The following TXNL4A variants were observed in gnomAD, a reference collection of about 807,000 sequenced individuals.
TXNL4A encodes thioredoxin-like protein 4A.
A neutral mutation model predicts 14.6 loss-of-function variants in TXNL4A; 17 were observed. That is an observed-to-expected ratio of 1.16 (90% CI 0.80 to 1.74). The LOEUF is 1.74. Among genes scored for constraint, TXNL4A ranks in the 40% most tolerant of loss-of-function variants. TXNL4A has a pLI of 0.00. For synonymous variants in TXNL4A, 83 were observed against 70.6 expected (o/e 1.18, Z -0.88); for missense variants, 74 against 195.2 (o/e 0.38, Z 3.70).
At chr18:79,979,359 C>T (rs566942008) in intron 1 of TXNL4A, 1 of 152,242 alleles carries the variant, frequency 6.6e-6, no homozygotes, top group African/African-American at 2.4e-5. Flanking sequence ...GATATTTGTC[C>T]CTGCCCAAAT....
intron 2 of TXNL4A, chr18:79,976,652 T>C (rs1015522683): frequency 1.3e-5 from 5 of 392,196 alleles, no homozygotes; most frequent in Non-Finnish European, 2.0e-5. Context: ...GCTCAATGCG[T>C]GCTAATTTGT....
At chr18:79,995,276 T>C (rs1157096398) in intron 1 of TXNL4A, 2 of 152,226 alleles carry the variant, frequency 1.3e-5, no homozygotes, top group East Asian at 1.9e-4. Context: ...GGTCAGACAT[T>C]GTAGCAGACC....
chr18:79,986,427 A>T (rs2051549054), intron 1 of TXNL4A, among the ~76,000 whole-genome samples: 1 of 138,080 alleles, frequency 7.2e-6, no homozygotes, highest in Non-Finnish European at 1.7e-5. Context: ...CAAAAATCAG[A>T]CTATTTTAAA....
intron 1 of TXNL4A, among the ~76,000 whole-genome samples, chr18:80,022,279 C>T (rs894305919): frequency 2.6e-5 from 4 of 152,078 alleles, no homozygotes; most frequent in Non-Finnish European, 4.4e-5. Context: ...GTAGGACACC[C>T]GGAAGTTTTT....
chr18:80,009,951 C>T (rs1284507101), intron 1 of TXNL4A, among the ~76,000 whole-genome samples: 3 of 152,146 alleles, frequency 2.0e-5, no homozygotes, highest in Admixed American at 6.5e-5. Flanking sequence ...CCTCTTGGTG[C>T]CATGTGTGAG....
At chr18:80,020,124 G>A (rs1024409879) in intron 1 of TXNL4A, among the ~76,000 whole-genome samples, 13 of 152,152 alleles carry the variant, frequency 8.5e-5, no homozygotes, top group African/African-American at 2.9e-4. Context: ...TTAAAAACGG[G>A]AGTTTGCCAG....
At chr18:79,976,109 G>A (rs1277720008) in intron 2 of TXNL4A, among the ~76,000 whole-genome samples, 2 of 152,184 alleles carry the variant, frequency 1.3e-5, no homozygotes, top group South Asian at 2.1e-4. Flanking sequence ...AGCGTATCCC[G>A]ACGCCCAGAA....
chr18:80,015,202 G>C (rs1049612951), intron 1 of TXNL4A, among the ~76,000 whole-genome samples: 2 of 78,534 alleles, frequency 2.5e-5, no homozygotes, highest in Non-Finnish European at 7.0e-5. Context: ...ACTAACATTT[G>C]GCTCCTTGTT....
At chr18:79,979,994 C>T (rs1247381893) in intron 1 of TXNL4A, among the ~76,000 whole-genome samples, 3 of 152,174 alleles carry the variant, frequency 2.0e-5, no homozygotes, top group South Asian at 2.1e-4. Context: ...TATTTGGAAA[C>T]GGTACTGCAG....
intron 1 of TXNL4A, among the ~76,000 whole-genome samples, chr18:79,979,080 G>A (rs1395038495): frequency 6.6e-6 from 1 of 151,874 alleles, no homozygotes; most frequent in African/African-American, 2.4e-5. Context: ...TGGGATTACA[G>A]GTGTGTGCCA....
intron 1 of TXNL4A, among the ~76,000 whole-genome samples, chr18:80,020,163 C>G (rs980369817): frequency 6.6e-6 from 1 of 152,224 alleles, no homozygotes; most frequent in Non-Finnish European, 1.5e-5. Context: ...CCACCACCAT[C>G]CACGTAAGAT....
rs1428140628 is a variant in TXNL4A, at chr18:79,970,846, G to A, written c.*2839C>T. On this transcript the variant is annotated 3_prime_UTR_variant, in exon 3 of 3. Coordinates refer to ENST00000269601, the MANE Select transcript of TXNL4A (RefSeq NM_006701.5). ...AATTATTTTATCTTTTTCTGGTAAC[G>A]CCAGTAAAGCTGTTATCCTAAGAGA... 5 of 185,666 alleles carry A rather than the reference G, an allele frequency of 2.7e-5. No individual in the cohort carries two copies. The highest frequency in any genetic ancestry group is 2.3e-4 in the East Asian group (2 of 8,636). 11.5% of individuals were successfully genotyped at this position (185,666 alleles called of 1,614,324 possible).
chr18:80,001,343 A>C (rs2051697246), intron 1 of TXNL4A, among the ~76,000 whole-genome samples: 1 of 152,154 alleles, frequency 6.6e-6, no homozygotes, highest in Non-Finnish European at 1.5e-5. Flanking sequence ...CCTCATGGAG[A>C]ACCTCTGCTA....
upstream of TXNL4A, chr18:79,988,659 G>T (rs1077510): frequency 1.0e-5 from 3 of 298,470 alleles, no homozygotes; most frequent in East Asian, 5.5e-5. Context: ...CCGCGCGAAC[G>T]TGTAGTTGGC....
At chr18:79,975,893 A>C (rs1158301700) in intron 2 of TXNL4A, among the ~76,000 whole-genome samples, 2 of 152,136 alleles carry the variant, frequency 1.3e-5, no homozygotes, top group African/African-American at 4.8e-5. Context: ...AAAAGGAATA[A>C]ATTCTTTAGC....
At chr18:79,981,545 G>A (rs1020139057) in intron 1 of TXNL4A, among the ~76,000 whole-genome samples, 3 of 152,170 alleles carry the variant, frequency 2.0e-5, no homozygotes, top group South Asian at 2.1e-4. Context: ...GGCGGTGCAC[G>A]CCTGTAATCC....
intron 1 of TXNL4A, among the ~76,000 whole-genome samples, chr18:79,979,970 G>A (rs2051438705): frequency 6.6e-6 from 1 of 152,174 alleles, no homozygotes; most frequent in Non-Finnish European, 1.5e-5. Flanking sequence ...AACCCCCAAA[G>A]TGACAGCGCA....
chr18:79,980,313 A>G (rs1006413151), intron 1 of TXNL4A, among the ~76,000 whole-genome samples: 11 of 152,242 alleles, frequency 7.2e-5, no homozygotes, highest in African/African-American at 2.4e-4. Context: ...TAAGCCCCTC[A>G]GCTTGCAGCA....
chr18:80,017,715 A>C (rs1167930458), intron 1 of TXNL4A, among the ~76,000 whole-genome samples: 1 of 150,570 alleles, frequency 6.6e-6, no homozygotes, highest in African/African-American at 2.4e-5. Flanking sequence ...GATGAAGCCC[A>C]CTTGATCATG....
Sources: gnomAD v4.1 joint callset for allele counts (sites outside exome capture counted in the v4.1 genomes callset) on GRCh38, gnomAD v4.1.1 for gene constraint, MANE v1.5 for transcripts, NCBI Gene and HGNC (gene_info 2026-07-23, HGNC 2026-07-21) for gene names.